SYNE2: variants seen among roughly 807,000 people sequenced by gnomAD.
SYNE2 encodes the protein spectrin repeat containing nuclear envelope protein 2, also known as nesprin-2.
SYNE2 carries 431 observed loss-of-function variants against 856.3 expected under a neutral mutation model. That is an observed-to-expected ratio of 0.50 (90% confidence interval 0.47 to 0.55). SYNE2 has a LOEUF of 0.55. Ranked by LOEUF, SYNE2 falls within the 20% of genes least tolerant of loss-of-function variation. The pLI is 0.00. For synonymous variants in SYNE2, 2,923 were observed against 2,872.3 expected (o/e 1.02, Z -0.56); for missense variants, 8,129 against 8,023.2 (o/e 1.01, Z -0.50).
chr14:64,192,268 T>C (rs903877658), intron 99 of SYNE2, among the ~76,000 whole-genome samples: 2 of 152,212 alleles, frequency 1.3e-5, no homozygotes, highest in Admixed American at 6.5e-5. Context: ...TGTGTCTTTG[T>C]GGTCGCCTTT....
At chr14:63,976,462 C>A in intron 11 of SYNE2, 101 bp from the exon 12 acceptor site, 1 of 1,269,292 alleles carries the variant, frequency 7.9e-7, no homozygotes, top group Non-Finnish European at 1.1e-6. Context: ...TCAGACTTGG[C>A]TTCCAGAGAA....
At chr14:64,105,857 C>T (rs879682739) in intron 64 of SYNE2, among the ~76,000 whole-genome samples, 1 of 151,662 alleles carries the variant, frequency 6.6e-6, no homozygotes, top group Non-Finnish European at 1.5e-5. Context: ...CTCAGGAGTT[C>T]AAGACCAGCC....
At chr14:63,922,876 G>A (rs190317634) in intron 2 of SYNE2, among the ~76,000 whole-genome samples, 1 of 152,100 alleles carries the variant, frequency 6.6e-6, no homozygotes, top group South Asian at 2.1e-4. Context: ...TAATTTGCTG[G>A]CATTCCAAAA....
At chr14:63,958,423 T>C (rs1214895443) in intron 8 of SYNE2, among the ~76,000 whole-genome samples, 1 of 152,198 alleles carries the variant, frequency 6.6e-6, no homozygotes, top group East Asian at 1.9e-4. Flanking sequence ...GATGCCCCTT[T>C]ATTGGAATTT....
At position 64,209,470 on chromosome 14, in the gene SYNE2, C is replaced by A; in HGVS notation, c.18432C>A (p.Asp6144Glu). 1.2e-6 allele frequency: 2 copies of A among 1,614,246 alleles called. No homozygotes were observed. Among genetic ancestry groups the A allele is most frequent in the Non-Finnish European group, 1.7e-6 (2 of 1,180,040 alleles). The stretch of plus-strand genomic sequence containing the variant: ...GCCTGTGGCAGAAGTTTTTAGACGA[C>A]TATTCTCGCTTTGAGGACTGGCTCA... ...TWRLWQKFLD[D>E]YSRFEDWLKS... The change falls in exon 102 of 116, where the codon GAC becomes GAA. Residue 6144 changes from aspartate (D) to glutamate (E), a missense_variant. Physicochemically the swap from Asp to Glu is conservative, Grantham distance 45 (BLOSUM62 2). Around this residue, in one of 3 missense-constraint regions of SYNE2, gnomAD observed 5,410 missense variants for 5,284.8 expected, o/e 1.02. Coordinates refer to ENST00000555002, the MANE Select transcript of SYNE2 (RefSeq NM_182914.3).
chr14:63,897,339 C>T (rs1005246221), intron 1 of SYNE2, among the ~76,000 whole-genome samples: 1 of 152,162 alleles, frequency 6.6e-6, no homozygotes, highest in African/African-American at 2.4e-5. Context: ...GCTCGTTTCC[C>T]CACCTTTGTA....
chr14:64,214,802 C>T (rs544593814), intron 106 of SYNE2, among the ~76,000 whole-genome samples: 7 of 152,204 alleles, frequency 4.6e-5, no homozygotes, highest in South Asian at 4.1e-4. Context: ...TGCAGTGGTG[C>T]GACCACGGCT....
chr14:64,209,113 C>G (rs1031042850), intron 101 of SYNE2, 168 bp downstream of exon 101: 23 of 977,062 alleles, frequency 2.4e-5, no homozygotes, highest in Non-Finnish European at 3.2e-5. Flanking sequence ...AAAATGTAAC[C>G]GGAGTAATGT....
At chr14:64,117,546 C>G (rs531875041) in intron 66 of SYNE2, among the ~76,000 whole-genome samples, 52 of 152,288 alleles carry the variant, frequency 3.4e-4, no homozygotes, top group African/African-American at 1.2e-3. Flanking sequence ...AGCCTCCTGC[C>G]TCAGCCTCCC....
chr14:64,184,360 G>GTGTGTGTA (rs1555532282), intron 96 of SYNE2, among the ~76,000 whole-genome samples: 13 of 151,670 alleles, frequency 8.6e-5, no homozygotes, highest in Non-Finnish European at 1.6e-4. Flanking sequence ...GTGTGTGTGT[G>GTGTGTGTA]TGTATGTGTA....
At chr14:63,865,724 C>CCCA (rs1555352398) in intron 1 of SYNE2, among the ~76,000 whole-genome samples, 20 of 95,408 alleles carry the variant, frequency 2.1e-4, no homozygotes, top group South Asian at 7.7e-4. Context: ...ACCCCCCCCC[C>CCCA]AAAAAAAAAG....
At chr14:63,896,056 C>A (rs776379345) in intron 1 of SYNE2, among the ~76,000 whole-genome samples, 5 of 152,086 alleles carry the variant, frequency 3.3e-5, no homozygotes, top group Non-Finnish European at 5.9e-5. Context: ...AGTGGTAAAG[C>A]AACTTATTTT....
At chr14:64,192,048 C>T (rs1403448340) in intron 99 of SYNE2, among the ~76,000 whole-genome samples, 1 of 152,124 alleles carries the variant, frequency 6.6e-6, no homozygotes, top group African/African-American at 2.4e-5. Context: ...GTTTTCATTA[C>T]TTTTCCATGA....
chr14:64,174,938 T>C lies in SYNE2; in HGVS notation c.17236-6T>C, dbSNP rs79335661. On this transcript the variant is annotated splice_region_variant and splice_polypyrimidine_tract_variant and intron_variant, in intron 94 of 115. Coordinates refer to ENST00000555002, the MANE Select transcript of SYNE2 (RefSeq NM_182914.3). ...CTAAGCAAATTACTTCTCTTTTTTT[T>C]CTTAGAATAAAGAAATTCATTTTCA... 1 of 1,613,778 alleles carries C rather than the reference T, an allele frequency of 6.2e-7. No homozygotes were observed. The highest frequency in any genetic ancestry group is 1.1e-5 in the South Asian group (1 of 91,072).
At chr14:63,989,164 A>G (rs564008486) in intron 19 of SYNE2, among the ~76,000 whole-genome samples, 1 of 152,254 alleles carries the variant, frequency 6.6e-6, no homozygotes, top group South Asian at 2.1e-4. Context: ...TGAATTATAC[A>G]AGCTCTTTGA....
At position 64,052,401 on chromosome 14, in the gene SYNE2, G is replaced by A; in HGVS notation, c.8488G>A (p.Glu2830Lys). The change falls in exon 48 of 116, where the codon GAA (glutamate) becomes AAA (lysine). Residue 2830 changes from glutamate (E) to lysine (K), a missense_variant. Physicochemically the swap from Glu to Lys is moderately conservative, Grantham distance 56 (BLOSUM62 1). This residue lies in a region of SYNE2 where 5,410 missense variants were observed against 5,284.8 expected (regional missense o/e 1.02). Coordinates refer to ENST00000555002, the MANE Select transcript of SYNE2 (RefSeq NM_182914.3). ...ATCAACTCAAAGATCACAGCAATTA[G>A]AATTTAAGTTGGAAGAAAGAAGCAA... ...LKSTQRSQQL[E>K]FKLEERSNFF... The A allele has an allele frequency of 6.2e-7, 1 of 1,613,530 alleles. No homozygotes were observed. Among genetic ancestry groups the A allele is most frequent in the Non-Finnish European group, 8.5e-7 (1 of 1,179,846 alleles).
chr14:64,062,904 A>C lies in SYNE2; in HGVS notation c.10212+9A>C. 6.2e-7 allele frequency: 1 copy of C among 1,614,138 alleles called. No homozygotes were observed. Among genetic ancestry groups the C allele is most frequent in the Non-Finnish European group, 8.5e-7 (1 of 1,180,028 alleles). On this transcript the variant is annotated intron_variant, in intron 50 of 115. Transcript: ENST00000555002. ...GCTTGGAACAGAGCAAGGTAATAGT[A>C]TTGGCAATTAGCCAGTAAGTCTGTG...
chr14:63,982,888 T>TA, intron 17 of SYNE2, 94 bp downstream of exon 17: 1 of 1,288,962 alleles, frequency 7.8e-7, no homozygotes, highest in Non-Finnish European at 1.1e-6. Context: ...TGATTTCTGG[T>TA]ATATGCACAG....
chr14:63,828,687 T>G lies in SYNE2; in HGVS notation c.-304-23814T>G, dbSNP rs373100186. 4.6e-5 allele frequency among the ~76,000 whole-genome samples: 7 copies of G among 152,016 alleles called. No individual in the cohort carries two copies. The South Asian group carries it at 8.3e-4, about 18-fold the overall frequency. On this transcript the variant is annotated intron_variant, in intron 1 of 23. Coordinates refer to the SYNE2 transcript ENST00000674003. ...CAGAGGTTGCAGTGAGCCAAGATCATGACACTGCACTCCAGCCTCGGCAAC... is the reference window on the plus strand; with the variant it reads ...CAGAGGTTGCAGTGAGCCAAGATCAGGACACTGCACTCCAGCCTCGGCAAC...
Sources: allele counts gnomAD v4.1 joint callset (sites outside exome capture counted in the v4.1 genomes callset), GRCh38; gene constraint gnomAD v4.1.1; regional missense constraint gnomAD v4.1.1; transcripts MANE v1.5; gene names NCBI Gene and HGNC (gene_info 2026-07-23, HGNC 2026-07-21).